Variants in RPS6KC1 observed in about 807,000 individuals in gnomAD.
RPS6KC1 encodes inactive ribosomal protein S6 kinase delta-1.
RPS6KC1 carries 54 observed loss-of-function variants against 103.8 expected under a neutral mutation model. The ratio of observed to expected loss-of-function variants is 0.52; its 90% CI spans 0.42 to 0.65. RPS6KC1 has a LOEUF of 0.65. RPS6KC1 is among the 30% of genes least tolerant of loss of function. The probability of loss-of-function intolerance (pLI) is 0.00; values close to 1 mark genes in which losing one functional copy is unlikely to be tolerated. For missense variants in RPS6KC1, 1,151 were observed against 1,253.8 expected (o/e 0.92, Z 1.24); for synonymous variants, 439 against 438.7 (o/e 1.00, Z -0.01).
At chr1:213,582,356 C>T in the RPS6KC1 span, among the ~76,000 whole-genome samples, 1 of 151,976 alleles carries the variant, frequency 6.6e-6, no homozygotes, top group African/African-American at 2.4e-5. Flanking sequence ...GTGGCTTCAC[C>T]ATCCTCCTGC....
chr1:213,745,153 C>G, the RPS6KC1 span, among the ~76,000 whole-genome samples: 1 of 152,168 alleles, frequency 6.6e-6, no homozygotes, highest in South Asian at 2.1e-4. Flanking sequence ...TTTTCCCCCT[C>G]ATTCTGATGG....
chr1:213,603,657 C>A, the RPS6KC1 span, among the ~76,000 whole-genome samples: 12 of 151,630 alleles, frequency 7.9e-5, no homozygotes, highest in East Asian at 1.5e-3. Context: ...GTCAGGAGTT[C>A]GAGACCAGCC....
At chr1:213,405,305 G>A in the RPS6KC1 span, among the ~76,000 whole-genome samples, 14 of 152,222 alleles carry the variant, frequency 9.2e-5, no homozygotes, top group Admixed American at 8.5e-4. Context: ...GCTCGAATCC[G>A]CTGAACCTGT....
At chr1:213,392,338 T>A in the RPS6KC1 span, among the ~76,000 whole-genome samples, 2 of 151,896 alleles carry the variant, frequency 1.3e-5, no homozygotes, top group Non-Finnish European at 2.9e-5. Flanking sequence ...TACAGCCCGG[T>A]CTCAACTGGT....
chr1:213,517,084 C>T, the RPS6KC1 span, among the ~76,000 whole-genome samples: 40 of 152,230 alleles, frequency 2.6e-4, no homozygotes, highest in East Asian at 7.3e-3. Context: ...TTCCCTTTAT[C>T]ATTTTTTATT....
At chr1:213,279,643 C>T (rs1261716432), downstream of RPS6KC1, among the ~76,000 whole-genome samples, 1 of 152,212 alleles carries the variant, frequency 6.6e-6, no homozygotes, top group Non-Finnish European at 1.5e-5. Context: ...TGCCAGGTGA[C>T]TTCTCTCTTT....
chr1:213,156,136 T>C (rs1340774102), intron 6 of RPS6KC1, among the ~76,000 whole-genome samples: 1 of 152,166 alleles, frequency 6.6e-6, no homozygotes, highest in Admixed American at 6.5e-5. Context: ...TTTATTATCT[T>C]GAAAAAGTTA....
At chr1:213,062,114 G>T (rs2077892260) in intron 1 of RPS6KC1, among the ~76,000 whole-genome samples, 1 of 151,722 alleles carries the variant, frequency 6.6e-6, no homozygotes. Context: ...TTGTTTTCTA[G>T]TACAGGTTAG....
the RPS6KC1 span, among the ~76,000 whole-genome samples, chr1:213,693,769 G>A: frequency 1.3e-5 from 2 of 152,290 alleles, no homozygotes; most frequent in South Asian, 4.1e-4. Flanking sequence ...ACTTCCTATT[G>A]GTGTAAGTTT....
chr1:213,261,732 C>T (rs2094802423), intron 13 of RPS6KC1, 92 bp downstream of exon 13: 1 of 1,093,232 alleles, frequency 9.1e-7, no homozygotes, highest in East Asian at 2.4e-5. Context: ...GTTTTTAAAT[C>T]AGGGACTAAG....
At chr1:213,846,756 G>A in the RPS6KC1 span, among the ~76,000 whole-genome samples, 1 of 152,146 alleles carries the variant, frequency 6.6e-6, no homozygotes, top group Non-Finnish European at 1.5e-5. Flanking sequence ...GGTAGGGTGT[G>A]AAGGGAATCT....
At chr1:213,776,216 A>G in the RPS6KC1 span, among the ~76,000 whole-genome samples, 11 of 152,302 alleles carry the variant, frequency 7.2e-5, no homozygotes, top group Non-Finnish European at 1.3e-4. Context: ...AATGGCATCT[A>G]AAATGGTGGT....
At chr1:213,272,487 T>G in intron 14 of RPS6KC1, 37 bp from the exon 15 acceptor site, 1 of 1,490,518 alleles carries the variant, frequency 6.7e-7, no homozygotes. Context: ...ATTTGCCAGT[T>G]GGATTCCTGT....
chr1:213,837,861 T>A, the RPS6KC1 span, among the ~76,000 whole-genome samples: 2 of 152,244 alleles, frequency 1.3e-5, no homozygotes, highest in Non-Finnish European at 2.9e-5. Context: ...ACAAACCTTT[T>A]TTTTTAAACA....
chr1:213,766,589 T>C, the RPS6KC1 span, among the ~76,000 whole-genome samples: 9 of 152,240 alleles, frequency 5.9e-5, no homozygotes, highest in South Asian at 6.2e-4. Context: ...AATGACCTCC[T>C]GGTGGGCAGA....
intron 6 of RPS6KC1, among the ~76,000 whole-genome samples, chr1:213,136,848 A>G (rs2086327836): frequency 6.6e-6 from 1 of 152,144 alleles, no homozygotes; most frequent in Admixed American, 6.6e-5. Flanking sequence ...TGTTGAGTGC[A>G]AGAGGTCTGC....
At chr1:213,847,622 G>C in the RPS6KC1 span, among the ~76,000 whole-genome samples, 1 of 152,172 alleles carries the variant, frequency 6.6e-6, no homozygotes, top group Non-Finnish European at 1.5e-5. Context: ...CCCACTGAAA[G>C]TGTGCAGAGG....
the RPS6KC1 span, among the ~76,000 whole-genome samples, chr1:213,568,599 G>A: frequency 6.6e-6 from 1 of 152,168 alleles, no homozygotes; most frequent in Admixed American, 6.5e-5. Flanking sequence ...CCAGGGCTAG[G>A]TATTTGGTTA....
chr1:213,678,855 C>T, the RPS6KC1 span, among the ~76,000 whole-genome samples: 15 of 152,210 alleles, frequency 9.9e-5, no homozygotes, highest in African/African-American at 3.6e-4. Flanking sequence ...CTGGCTGTTC[C>T]TCCTTAGCAA....
Sources: gnomAD v4.1 joint callset for allele counts (sites outside exome capture counted in the v4.1 genomes callset) on GRCh38, gnomAD v4.1.1 for gene constraint, MANE v1.5 for transcripts, NCBI Gene and HGNC (gene_info 2026-07-23, HGNC 2026-07-21) for gene names.